Variants in CHRM3 observed in about 807,000 individuals in gnomAD.
CHRM3 encodes muscarinic acetylcholine receptor M3.
In CHRM3, 11 loss-of-function variants were observed where a neutral mutation model predicts 41.8. The ratio of observed to expected loss-of-function variants is 0.26; its 90% CI spans 0.17 to 0.44. The LOEUF is 0.44. Ranked by LOEUF, CHRM3 falls within the 20% of genes least tolerant of loss-of-function variation. The pLI is 1.00. For synonymous variants in CHRM3, 297 were observed against 301.4 expected (o/e 0.99, Z 0.15); for missense variants, 571 against 745.4 (o/e 0.77, Z 2.72).
At chr1:239,881,012 G>A (rs1677541235) in intron 6 of CHRM3, among the ~76,000 whole-genome samples, 2 of 152,044 alleles carry the variant, frequency 1.3e-5, no homozygotes, top group East Asian at 3.9e-4. Flanking sequence ...GGCCGGGCGC[G>A]GTGGCTCACG....
At chr1:239,870,822 G>T (rs1275416549) in intron 6 of CHRM3, among the ~76,000 whole-genome samples, 1 of 152,156 alleles carries the variant, frequency 6.6e-6, no homozygotes, top group Admixed American at 6.5e-5. Context: ...GTGATCACAG[G>T]TGCTGGGTGT....
intron 2 of CHRM3, among the ~76,000 whole-genome samples, chr1:239,510,276 A>G (rs1278254339): frequency 6.6e-6 from 1 of 152,216 alleles, no homozygotes; most frequent in Non-Finnish European, 1.5e-5. Context: ...GGTTTAGAAA[A>G]GAGTATGTGT....
intron 5 of CHRM3, among the ~76,000 whole-genome samples, chr1:239,690,377 G>A (rs1268552691): frequency 2.0e-5 from 3 of 151,786 alleles, no homozygotes; most frequent in African/African-American, 7.3e-5. Context: ...GCACCACCAC[G>A]CCCAGCTAAT....
chr1:239,651,074 T>G (rs1423056496), intron 4 of CHRM3, among the ~76,000 whole-genome samples: 3 of 152,222 alleles, frequency 2.0e-5, no homozygotes, highest in African/African-American at 7.2e-5. Flanking sequence ...ATAGTAGATG[T>G]TGAACAATAA....
chr1:239,899,289 G>T (rs1679283188), intron 6 of CHRM3, among the ~76,000 whole-genome samples: 1 of 135,890 alleles, frequency 7.4e-6, no homozygotes, highest in African/African-American at 3.3e-5. Context: ...GTGTGTGTGT[G>T]TGTGTGTGTG....
intron 1 of CHRM3, among the ~76,000 whole-genome samples, chr1:239,390,146 T>C (rs1010654041): frequency 6.6e-6 from 1 of 152,236 alleles, no homozygotes; most frequent in African/African-American, 2.4e-5. Context: ...TTGTAAAAGG[T>C]ATCTATGAGC....
rs139886425 is a variant in CHRM3 at position 239,525,800 on chromosome 1, T to A, written c.-421-19841T>A. Among the ~76,000 whole-genome samples the A allele has an allele frequency of 1.7e-3, 262 of 152,336 alleles. 2 individuals carry two copies. Among genetic ancestry groups the A allele is most frequent in the African/African-American group, 6.2e-3 (257 of 41,578 alleles). On this transcript the variant is annotated intron_variant, in intron 2 of 6. Coordinates refer to ENST00000676153, the MANE Select transcript of CHRM3 (RefSeq NM_001375978.1). Reference sequence around the variant, plus strand: ...TATTGTTATTTGGAACAAGGGCATGTAGGCAAAAGATGTAAATGCTTTCCA... The same window carrying A: ...TATTGTTATTTGGAACAAGGGCATGAAGGCAAAAGATGTAAATGCTTTCCA...
At chr1:239,536,219 T>G (rs1658182922) in intron 2 of CHRM3, among the ~76,000 whole-genome samples, 1 of 152,114 alleles carries the variant, frequency 6.6e-6, no homozygotes, top group Admixed American at 6.6e-5. Flanking sequence ...CAGCTTTGGT[T>G]TTTCAGTTCC....
At chr1:239,614,070 G>A (rs1446319665) in intron 3 of CHRM3, among the ~76,000 whole-genome samples, 1 of 152,190 alleles carries the variant, frequency 6.6e-6, no homozygotes, top group Non-Finnish European at 1.5e-5. Flanking sequence ...GAGAGGCTGA[G>A]GCTAGAGGAT....
At chr1:239,422,668 G>A (rs1662045881) in intron 1 of CHRM3, among the ~76,000 whole-genome samples, 1 of 151,792 alleles carries the variant, frequency 6.6e-6, no homozygotes, top group African/African-American at 2.4e-5. Context: ...GGTGGCGTGT[G>A]CCTGTAGTCC....
At chr1:239,669,380 CGTT>C (rs1278537509) in intron 4 of CHRM3, among the ~76,000 whole-genome samples, 1 of 151,916 alleles carries the variant, frequency 6.6e-6, no homozygotes, top group Non-Finnish European at 1.5e-5. Context: ...TTTCTCTACA[CGTT>C]GTTGTTTTAT....
At chr1:239,408,222 G>T (rs1336652723) in intron 1 of CHRM3, 1 of 152,028 alleles carries the variant, frequency 6.6e-6, no homozygotes, top group East Asian at 1.9e-4. Flanking sequence ...GAGGACAGAC[G>T]TATTTGCAAT....
chr1:239,519,209 T>C (rs957386584), intron 2 of CHRM3, among the ~76,000 whole-genome samples: 3 of 152,214 alleles, frequency 2.0e-5, no homozygotes, highest in Non-Finnish European at 4.4e-5. Flanking sequence ...AATTTGAATG[T>C]AATTCCTTCA....
intron 3 of CHRM3, among the ~76,000 whole-genome samples, chr1:239,607,691 A>T (rs893038156): frequency 1.3e-5 from 2 of 152,136 alleles, no homozygotes; most frequent in Admixed American, 6.5e-5. Context: ...CAACCATTCT[A>T]TTTTATGTTA....
chr1:239,674,365 T>G (rs907145175), intron 4 of CHRM3, among the ~76,000 whole-genome samples: 3 of 152,166 alleles, frequency 2.0e-5, no homozygotes, highest in African/African-American at 7.2e-5. Flanking sequence ...TCATTATACT[T>G]GCAGTTAATG....
At chr1:239,608,980 C>T (rs962095982) in intron 3 of CHRM3, among the ~76,000 whole-genome samples, 9 of 151,894 alleles carry the variant, frequency 5.9e-5, no homozygotes, top group Admixed American at 1.3e-4. Context: ...TTTACTAAGA[C>T]ATAATTGATA....
intron 5 of CHRM3, among the ~76,000 whole-genome samples, chr1:239,807,037 A>G (rs896559976): frequency 2.0e-5 from 3 of 152,232 alleles, no homozygotes; most frequent in African/African-American, 7.2e-5. Flanking sequence ...TTCCATTAAT[A>G]TAATTTCTTT....
chr1:239,729,749 A>G (rs541619976), intron 5 of CHRM3, among the ~76,000 whole-genome samples: 4 of 150,822 alleles, frequency 2.7e-5, no homozygotes, highest in South Asian at 4.1e-4. Context: ...GCGTGATGTT[A>G]CAAATCATGC....
intron 6 of CHRM3, among the ~76,000 whole-genome samples, chr1:239,906,091 A>G (rs1444561929): frequency 1.3e-5 from 2 of 152,124 alleles, no homozygotes; most frequent in Non-Finnish European, 2.9e-5. Flanking sequence ...CTAAGTTCTC[A>G]CCTCCAGTAA....
Sources: allele counts gnomAD v4.1 joint callset (sites outside exome capture counted in the v4.1 genomes callset), GRCh38; gene constraint gnomAD v4.1.1; transcripts MANE v1.5; gene names NCBI Gene and HGNC (gene_info 2026-07-23, HGNC 2026-07-21).